Variants in ITGA9 observed in about 807,000 individuals in gnomAD.
ITGA9 encodes integrin subunit alpha 9.
Under a neutral mutation model 127.8 loss-of-function variants are expected in ITGA9, and 56 were observed. That is an observed-to-expected ratio of 0.44 (90% CI 0.35 to 0.55). The LOEUF (loss-of-function observed/expected upper bound fraction) is 0.55, where lower values mean the gene tolerates loss of function less well. ITGA9 is among the 20% of genes least tolerant of loss of function. ITGA9 has a pLI of 0.00. For synonymous variants in ITGA9, 508 were observed against 514.5 expected, an observed-to-expected ratio of 0.99 and a Z score of 0.17; for missense variants, 1,196 against 1,347.1, an observed-to-expected ratio of 0.89 and a Z score of 1.76.
chr3:37,783,334 T>C (rs2125553136), intron 25 of ITGA9, among the ~76,000 whole-genome samples: 1 of 152,250 alleles, frequency 6.6e-6, no homozygotes, highest in East Asian at 1.9e-4. Context: ...TTTATTTTAA[T>C]GTTTTTATTT....
intron 15 of ITGA9, among the ~76,000 whole-genome samples, chr3:37,617,636 A>G (rs1355754408): frequency 2.6e-5 from 4 of 152,144 alleles, no homozygotes; most frequent in Non-Finnish European, 5.9e-5. Context: ...ACATAGTCCC[A>G]TATTTCTTGG....
chr3:37,786,817 G>A (rs1363165895), intron 26 of ITGA9, among the ~76,000 whole-genome samples: 1 of 152,162 alleles, frequency 6.6e-6, no homozygotes, highest in Non-Finnish European at 1.5e-5. Flanking sequence ...CACAAGATAA[G>A]TTGTCCAAGC....
At chr3:37,586,474 G>T (rs561471449) in intron 15 of ITGA9, among the ~76,000 whole-genome samples, 6 of 152,310 alleles carry the variant, frequency 3.9e-5, no homozygotes, top group African/African-American at 1.2e-4. Flanking sequence ...GGACATGCTG[G>T]CCTTGCTTTC....
At chr3:37,541,549 T>G (rs116363152) in intron 14 of ITGA9, among the ~76,000 whole-genome samples, 5,822 of 152,314 alleles carry the variant, frequency 0.038, 126 homozygotes, top group Non-Finnish European at 0.051. Context: ...ATCTTTTTTT[T>G]CCTTCTTTCT....
rs1402744118 is a variant in ITGA9 at position 37,597,387 on chromosome 3, A to G, written c.1690-31800A>G. ...AGCCAAGCTGCAGGATAGGTGACAG[A>G]TATGAAACGATAAATGTGGAGGCAG... On this transcript the variant is annotated intron_variant, in intron 15 of 27. Transcript: ENST00000264741. The surrounding 1 kb of genome is among the most constrained non-coding windows in gnomAD (Gnocchi z 4.6). Among the ~76,000 whole-genome samples the G allele has an allele frequency of 6.6e-6, 1 of 152,034 alleles. No individual in the cohort carries two copies. The highest frequency in any genetic ancestry group is 1.5e-5 in the Non-Finnish European group (1 of 68,008).
At chr3:37,584,090 C>T (rs113170824) in intron 15 of ITGA9, among the ~76,000 whole-genome samples, 137 of 152,338 alleles carry the variant, frequency 9.0e-4, no homozygotes, top group African/African-American at 3.1e-3. Context: ...TGCCCCACAA[C>T]TCCATGGCAC....
chr3:37,582,401 C>T lies in ITGA9; in HGVS notation c.1689+39816C>T, dbSNP rs544854447. 8.5e-5 allele frequency among the ~76,000 whole-genome samples: 13 copies of T among 152,312 alleles called. 2 individuals are homozygous for T. The South Asian group carries it at 2.7e-3, about 32-fold the overall frequency. On this transcript the variant is annotated intron_variant, in intron 15 of 27. Coordinates refer to ENST00000264741, the MANE Select transcript of ITGA9 (RefSeq NM_002207.3). ...GTTTAAGAAGGGGCAGCAAACATTTCCAAATAGGGATTGACTTTTAAGGGG... is the reference window on the plus strand; with the variant it reads ...GTTTAAGAAGGGGCAGCAAACATTTTCAAATAGGGATTGACTTTTAAGGGG...
chr3:37,765,159 C>T (rs1696765918), intron 23 of ITGA9, among the ~76,000 whole-genome samples: 1 of 152,100 alleles, frequency 6.6e-6, no homozygotes, highest in South Asian at 2.1e-4. Context: ...GACACACAGT[C>T]ACCCCTTGTA....
At chr3:37,474,300 G>C (rs1698467853) in intron 3 of ITGA9, among the ~76,000 whole-genome samples, 1 of 152,090 alleles carries the variant, frequency 6.6e-6, no homozygotes, top group African/African-American at 2.4e-5. Context: ...TAGAAATTCA[G>C]GTTTTTAGTC....
chr3:37,751,103 T>C (rs749893991), intron 23 of ITGA9, among the ~76,000 whole-genome samples: 2 of 152,190 alleles, frequency 1.3e-5, no homozygotes, highest in East Asian at 1.9e-4. Flanking sequence ...TCAGAAAACA[T>C]TGTGTGATGG....
chr3:37,769,754 A>G (rs1017197911), intron 23 of ITGA9, among the ~76,000 whole-genome samples: 1 of 152,130 alleles, frequency 6.6e-6, no homozygotes, highest in Admixed American at 6.5e-5. Context: ...TCTACCTGCA[A>G]TGCCACTTCC....
At chr3:37,456,508 G>A (rs78596182) in intron 1 of ITGA9, among the ~76,000 whole-genome samples, 12 of 152,274 alleles carry the variant, frequency 7.9e-5, no homozygotes, top group Admixed American at 2.0e-4. Flanking sequence ...CCTCCAGAGC[G>A]GACGTCTTTC....
Position 37,494,582 on chromosome 3 carries a change from G to C in ITGA9, c.612+14G>C, listed in dbSNP as rs1325243411. The C allele has an allele frequency of 1.2e-6, 2 of 1,609,346 alleles. No individual in the cohort carries two copies. Among genetic ancestry groups the C allele is most frequent in the Non-Finnish European group, 1.7e-6 (2 of 1,175,914 alleles). On this transcript the variant is annotated intron_variant, in intron 5 of 27. Transcript: ENST00000264741. ...TTCTTCACCGAGGTGGGTGTCTGCT[G>C]TCTGGGCATTTCTGTTCTCTTGTGG...
chr3:37,582,119 A>G (rs1699715352), intron 15 of ITGA9, among the ~76,000 whole-genome samples: 1 of 152,230 alleles, frequency 6.6e-6, no homozygotes, highest in African/African-American at 2.4e-5. Flanking sequence ...TTATGAGTAT[A>G]TTCCTAATAA....
At chr3:37,476,864 G>A (rs982392499) in intron 3 of ITGA9, among the ~76,000 whole-genome samples, 2 of 152,100 alleles carry the variant, frequency 1.3e-5, no homozygotes, top group African/African-American at 4.8e-5. Flanking sequence ...CTCAGCATCT[G>A]GAGGACATCT....
rs1270033473 is a variant in ITGA9 at position 37,452,665 on chromosome 3, AG to A, written c.185+111del. The A allele has an allele frequency of 3.9e-6, 4 of 1,036,416 alleles. No individual in the cohort carries two copies. Among genetic ancestry groups the A allele is most frequent in the African/African-American group, 1.7e-5 (1 of 57,684 alleles). The allele number at this position is 1,036,416 out of a possible 1,614,324, so 64.2% of individuals were successfully genotyped here. A position where few individuals can be genotyped will look rare whatever the true frequency, so the allele number is the denominator to read the frequency against. On this transcript the variant is annotated intron_variant, in intron 1 of 27. Transcript: ENST00000264741. This position sits in a 1 kb window ranked among gnomAD's most constrained non-coding sequence, Gnocchi z 7.3. ...CGGTCTCTTCCACGCCGCCGTCCCG[AG>A]GGGGCGATTTAAATGTCTCCGTTGC... is the stretch of plus-strand genomic sequence containing the variant.
At chr3:37,723,145 C>G (rs111716689) in intron 18 of ITGA9, among the ~76,000 whole-genome samples, 52 of 152,232 alleles carry the variant, frequency 3.4e-4, no homozygotes, top group African/African-American at 1.2e-3. Flanking sequence ...ATCCTTTACC[C>G]ATTTGATAGT....
rs774836518 is a variant in ITGA9, at chr3:37,471,052, A to C, written c.231A>C (p.Ser77=). ...APKADSKYSP[S]VKSPGAVFKC... ...AGGCAGATTCCAAATACAGCCCTTC[A>C]GTGAAGTCTCCTGGGGCTGTGTTTA... The change falls in exon 2 of 28, where the codon TCA becomes TCC. Residue 77 remains serine (S), a synonymous_variant. Transcript: ENST00000264741. 4 of 1,614,094 alleles carry C rather than the reference A, an allele frequency of 2.5e-6. No homozygotes were observed. Among genetic ancestry groups the C allele is most frequent in the Middle Eastern group, 1.6e-4 (1 of 6,062 alleles).
At chr3:37,473,268 C>G in intron 2 of ITGA9, 86 bp from the exon 3 acceptor site, 1 of 937,608 alleles carries the variant, frequency 1.1e-6, no homozygotes, top group East Asian at 2.5e-5. Context: ...TCCTTATTTC[C>G]TCATAGGGCT....
Sources: allele counts gnomAD v4.1 joint callset (sites outside exome capture counted in the v4.1 genomes callset), GRCh38; gene constraint gnomAD v4.1.1; non-coding constraint Gnocchi (gnomAD v3.1); transcripts MANE v1.5; gene names NCBI Gene and HGNC (gene_info 2026-07-23, HGNC 2026-07-21).